ATAD3A: variants seen among roughly 807,000 people sequenced by gnomAD.
The protein encoded by ATAD3A is ATPase family AAA domain containing 3A, also known as ATPase family AAA domain-containing protein 3A.
Under a neutral mutation model 73.8 loss-of-function variants are expected in ATAD3A, and 46 were observed. That is an observed-to-expected ratio of 0.62 (90% CI 0.49 to 0.80). ATAD3A has a LOEUF of 0.80. ATAD3A is among the 30% of genes least tolerant of loss of function. ATAD3A has a pLI of 0.00. For synonymous variants in ATAD3A, 319 were observed against 350.0 expected (o/e 0.91, Z 0.99); for missense variants, 705 against 838.0 (o/e 0.84, Z 1.96).
In ATAD3A at chr1:1,520,195, A is replaced by G; in HGVS notation, c.569A>G (p.Glu190Gly). The part of the protein sequence containing the change: ...LRHKNEMLRV[E>G]AEARARAKAE... ...CACAAGAATGAGATGCTGCGAGTGG[A>G]GGCCGAGGCCCGGGCGCGCGCCAAG... The change falls in exon 6 of 16, where the codon GAG becomes GGG. Residue 190 changes from glutamate (E) to glycine (G), a missense_variant. This residue lies in a region of ATAD3A where 315 missense variants were observed against 334.1 expected (regional missense o/e 0.94). Transcript: ENST00000378756. This position sits in a 1 kb window ranked among gnomAD's most constrained non-coding sequence, Gnocchi z 4.0. 1 of 1,611,990 alleles carries G rather than the reference A, an allele frequency of 6.2e-7. No individual in the cohort carries two copies. Among genetic ancestry groups the G allele is most frequent in the Non-Finnish European group, 8.5e-7 (1 of 1,179,636 alleles).
intron 14 of ATAD3A, among the ~76,000 whole-genome samples, chr1:1,528,121 G>C (rs1007601318): frequency 6.6e-6 from 1 of 152,010 alleles, no homozygotes; most frequent in African/African-American, 2.4e-5. Flanking sequence ...CACCATGCCT[G>C]GCTAATTTTT....
At position 1,522,966 on chromosome 1, in the gene ATAD3A, C is replaced by G. The variant is rs934078100; in HGVS notation, c.906+67C>G. The G allele has an allele frequency of 4.4e-6, 7 of 1,574,198 alleles. No homozygotes were observed. The East Asian group carries it at 1.4e-4, about 32-fold the overall frequency. On this transcript the variant is annotated intron_variant, in intron 8 of 15. Coordinates refer to ENST00000378756, the MANE Select transcript of ATAD3A (RefSeq NM_001170535.3). ...CTGAGTCCCTTCTGCCCCACGAGCA[C>G]AGCCCACGCACACCCTCCCGTCCCT...
chr1:1,518,228 A>G (rs925171509), intron 4 of ATAD3A, among the ~76,000 whole-genome samples: 1 of 150,384 alleles, frequency 6.6e-6, no homozygotes, highest in Non-Finnish European at 1.5e-5. Flanking sequence ...ACAGGTACGC[A>G]CATACACCCC....
chr1:1,513,860 A>ACGGGCGGCTCCTCCTCAC (rs1448232505), intron 1 of ATAD3A, among the ~76,000 whole-genome samples: 22 of 152,024 alleles, frequency 1.4e-4, no homozygotes, highest in Non-Finnish European at 8.8e-5. Context: ...CTCCAGGCAA[A>ACGGGCGGCTCCTCCTCAC]CGGGCGGCTC....
rs1388474155 is a variant in ATAD3A at position 1,525,389 on chromosome 1, C to G, written c.1266+98C>G. 3.0e-6 allele frequency: 4 copies of G among 1,337,566 alleles called. No individual in the cohort carries two copies. In the African/African-American group the frequency reaches 6.0e-5, roughly 20 times the overall value. The allele number at this position is 1,337,566 out of a possible 1,614,324, so 82.9% of individuals were successfully genotyped here. ...AGCCCTCTGTTCAGTTTCTTTTTCT[C>G]TGTAAGCTTTGTGTGAAAAACAGCT... On this transcript the variant is annotated intron_variant, in intron 12 of 15. Coordinates refer to ENST00000378756, the MANE Select transcript of ATAD3A (RefSeq NM_001170535.3).
chr1:1,534,523 C>A lies in ATAD3A; in HGVS notation c.*451C>A, dbSNP rs992025576. ...TGGGGCAGCCTGAACCCTGCTTCCC[C>A]CTGTGGCCGGCATGCCCCGATCTTT... is the stretch of plus-strand genomic sequence containing the variant. On this transcript the variant is annotated 3_prime_UTR_variant, in exon 16 of 16. Transcript: ENST00000378756. 2 of 568,976 alleles carry A rather than the reference C, an allele frequency of 3.5e-6. No homozygotes were observed. Among genetic ancestry groups the A allele is most frequent in the East Asian group, 1.0e-4 (2 of 19,216 alleles). The allele number at this position is 568,976 out of a possible 1,614,324, so 35.2% of individuals were successfully genotyped here.
intron 7 of ATAD3A, among the ~76,000 whole-genome samples, chr1:1,521,184 A>G (rs1641582244): frequency 6.6e-6 from 1 of 150,522 alleles, no homozygotes; most frequent in East Asian, 2.0e-4. Flanking sequence ...CTATAGTCCC[A>G]GCTACTCAAG....
chr1:1,515,460 T>A (rs955365161), intron 1 of ATAD3A, among the ~76,000 whole-genome samples: 17 of 152,154 alleles, frequency 1.1e-4, no homozygotes, highest in Non-Finnish European at 1.0e-4. Context: ...CCTCAGCAGC[T>A]CAGAGAATAC....
chr1:1,531,376 G>A (rs557018297), intron 15 of ATAD3A, among the ~76,000 whole-genome samples: 2 of 151,968 alleles, frequency 1.3e-5, no homozygotes, highest in South Asian at 2.1e-4. Flanking sequence ...ACTTGAACCC[G>A]GGAGGCGGAG....
intron 2 of ATAD3A, among the ~76,000 whole-genome samples, chr1:1,516,333 C>T (rs562803496): frequency 2.0e-5 from 3 of 151,790 alleles, no homozygotes; most frequent in Admixed American, 6.6e-5. Flanking sequence ...GAGGGAGGGC[C>T]GGTGTTGGTG....
chr1:1,522,624 G>T, intron 7 of ATAD3A, 120 bp from the exon 8 acceptor site: 1 of 1,532,416 alleles, frequency 6.5e-7, no homozygotes, highest in Non-Finnish European at 8.8e-7. Context: ...TGTGGGGCCA[G>T]TGCACGGCCC....
intron 15 of ATAD3A, among the ~76,000 whole-genome samples, chr1:1,532,983 C>G (rs1642084860): frequency 1.3e-5 from 2 of 152,182 alleles, no homozygotes; most frequent in South Asian, 4.1e-4. Context: ...GTCAGTGTCT[C>G]CCCACACAGT....
intron 14 of ATAD3A, among the ~76,000 whole-genome samples, chr1:1,529,019 A>G (rs949436914): frequency 6.6e-6 from 1 of 152,148 alleles, no homozygotes; most frequent in African/African-American, 2.4e-5. Flanking sequence ...GGTTGGGGCC[A>G]TCTCCAGGCC....
rs6698376 is a variant in ATAD3A at position 1,533,841 on chromosome 1, T to C, written c.1615-85T>C. ...GGCCATCCTGGAGCCCCTGGTTTGG[T>C]CCCTCCCCACCTCGGGGCCCTGGCG... is the stretch of plus-strand genomic sequence containing the variant. On this transcript the variant is annotated intron_variant, in intron 15 of 15. Coordinates refer to ENST00000378756, the MANE Select transcript of ATAD3A (RefSeq NM_001170535.3). 0.21 allele frequency: 313,307 copies of C among 1,492,106 alleles called. 46,592 individuals are homozygous for C. The highest frequency in any genetic ancestry group is 0.66 in the African/African-American group (45,858 of 69,576). 92.4% of individuals were successfully genotyped at this position (1,492,106 alleles called of 1,614,324 possible). A position where few individuals can be genotyped will look rare whatever the true frequency, so the allele number is the denominator to read the frequency against.
intron 1 of ATAD3A, among the ~76,000 whole-genome samples, chr1:1,514,536 C>T (rs565352602): frequency 2.0e-5 from 3 of 152,312 alleles, no homozygotes; most frequent in South Asian, 2.1e-4. Flanking sequence ...GCTACCAAGG[C>T]GCTTCCTGAA....
At chr1:1,518,118 C>CA (rs1400631348) in intron 4 of ATAD3A, among the ~76,000 whole-genome samples, 4 of 150,568 alleles carry the variant, frequency 2.7e-5, no homozygotes, top group Admixed American at 2.0e-4. Flanking sequence ...CACCCCCACA[C>CA]AGAGGCCTGC....
At chr1:1,514,849 T>C (rs1024414011) in intron 1 of ATAD3A, among the ~76,000 whole-genome samples, 6 of 152,060 alleles carry the variant, frequency 3.9e-5, no homozygotes, top group Non-Finnish European at 8.8e-5. Context: ...CTACTTTACG[T>C]GTCTTTCTGT....
At chr1:1,516,613 A>G (rs1474022201) in intron 2 of ATAD3A, among the ~76,000 whole-genome samples, 2 of 151,982 alleles carry the variant, frequency 1.3e-5, no homozygotes, top group African/African-American at 4.8e-5. Flanking sequence ...GGGTTTCACC[A>G]TGTTGGCCAG....
intron 12 of ATAD3A, among the ~76,000 whole-genome samples, chr1:1,525,628 A>G (rs1428915560): frequency 1.3e-5 from 2 of 151,988 alleles, no homozygotes. Context: ...GTTAGCCAGG[A>G]TGGTCTCGAT....
Sources: gnomAD v4.1 joint callset for allele counts (sites outside exome capture counted in the v4.1 genomes callset) on GRCh38, gnomAD v4.1.1 for gene constraint, gnomAD v4.1.1 regional missense constraint, Gnocchi (gnomAD v3.1) non-coding constraint, MANE v1.5 for transcripts, NCBI Gene and HGNC (gene_info 2026-07-23, HGNC 2026-07-21) for gene names.